RGS6: variants seen among roughly 807,000 people sequenced by gnomAD.
RGS6 encodes regulator of G-protein signaling 6.
RGS6 carries 30 observed loss-of-function variants against 78.5 expected under a neutral mutation model. That is an observed-to-expected ratio of 0.38 (90% CI 0.29 to 0.52). The LOEUF (loss-of-function observed/expected upper bound fraction) is 0.52. Ranked by LOEUF, RGS6 falls within the 20% of genes least tolerant of loss-of-function variation. The pLI, the probability that RGS6 is intolerant of heterozygous loss-of-function variation, is 0.85. For synonymous variants in RGS6, 206 were observed against 206.0 expected (o/e 1.00, Z 0.00); for missense variants, 495 against 609.7 (o/e 0.81, Z 1.98).
the RGS6 span, among the ~76,000 whole-genome samples, chr14:71,900,661 C>A: frequency 6.6e-6 from 1 of 152,162 alleles, no homozygotes; most frequent in African/African-American, 2.4e-5. Context: ...GGTTCCTTCA[C>A]TTCCTCCATA....
the RGS6 span, among the ~76,000 whole-genome samples, chr14:71,896,156 A>G: frequency 2.6e-5 from 4 of 152,064 alleles, no homozygotes; most frequent in Non-Finnish European, 1.5e-5. Context: ...ACCCCAAGAG[A>G]GCGTTCTTGG....
Position 72,177,981 on chromosome 14 carries a change from C to T in RGS6, c.85-174114C>T, listed in dbSNP as rs143504518. 6.2e-4 allele frequency among the ~76,000 whole-genome samples: 95 copies of T among 152,304 alleles called. No homozygotes were observed. The East Asian group carries it at 0.016, about 26-fold the overall frequency. ...GTGGCTGAGCCTCTTTTCTTCCTCCCCCACTTTTTGCTCCCTACCAGACAA... is the reference window on the plus strand; with the variant it reads ...GTGGCTGAGCCTCTTTTCTTCCTCCTCCACTTTTTGCTCCCTACCAGACAA... On this transcript the variant is annotated intron_variant, in intron 2 of 17. Transcript: ENST00000553525.
intron 3 of RGS6, among the ~76,000 whole-genome samples, chr14:72,401,594 A>G (rs1302307536): frequency 6.6e-6 from 1 of 151,608 alleles, no homozygotes; most frequent in Non-Finnish European, 1.5e-5. Context: ...GAGTTTCTCT[A>G]GCAAGTTTGG....
the RGS6 span, among the ~76,000 whole-genome samples, chr14:71,890,358 C>CAGAGAGAGAGAG: frequency 0.032 from 4,208 of 132,998 alleles, 119 homozygotes; most frequent in East Asian, 0.11. Context: ...GTGCATAAGA[C>CAGAGAGAGAGAG]AGAGAGAGAG....
intron 2 of RGS6, among the ~76,000 whole-genome samples, chr14:72,123,671 G>T (rs2096115224): frequency 6.6e-6 from 1 of 152,122 alleles, no homozygotes; most frequent in Admixed American, 6.5e-5. Flanking sequence ...ATTAATAAGA[G>T]AGTTCCTTAA....
At chr14:71,926,548 C>T in the RGS6 span, among the ~76,000 whole-genome samples, 1 of 139,632 alleles carries the variant, frequency 7.2e-6, no homozygotes, top group Non-Finnish European at 1.5e-5. Flanking sequence ...AGCGCCATTG[C>T]ACTCCAGGCT....
chr14:72,541,386 G>C, intron 17 of RGS6: 1 of 1,442,688 alleles, frequency 6.9e-7, no homozygotes, highest in South Asian at 1.3e-5. Context: ...TAACTCTAGT[G>C]GGTGGCAATT....
At chr14:72,047,155 GACGATGGTCT>G (rs2153399043) in intron 2 of RGS6, among the ~76,000 whole-genome samples, 1 of 152,332 alleles carries the variant, frequency 6.6e-6, no homozygotes, top group Non-Finnish European at 1.5e-5. Flanking sequence ...GACAGCTCCA[GACGATGGTCT>G]ACTCTGGAGT....
chr14:72,500,942 A>T (rs1384943699), intron 13 of RGS6, among the ~76,000 whole-genome samples: 1 of 152,120 alleles, frequency 6.6e-6, no homozygotes, highest in Non-Finnish European at 1.5e-5. Flanking sequence ...AGGAGGTGCG[A>T]TATGTACCCA....
At chr14:71,961,182 A>G (rs886374619) in intron 1 of RGS6, among the ~76,000 whole-genome samples, 4 of 152,134 alleles carry the variant, frequency 2.6e-5, no homozygotes, top group African/African-American at 9.7e-5. Context: ...TGAGACATTG[A>G]GTGCTGTCAT....
At chr14:72,473,757 C>T (rs1233806176) in intron 9 of RGS6, 2 of 152,096 alleles carry the variant, frequency 1.3e-5, no homozygotes, top group Admixed American at 6.6e-5. Flanking sequence ...ATCAGCTGAT[C>T]GATACATAAC....
At chr14:71,970,339 T>C (rs566575107) in intron 2 of RGS6, among the ~76,000 whole-genome samples, 6 of 152,300 alleles carry the variant, frequency 3.9e-5, no homozygotes. Flanking sequence ...ATTGACTCCT[T>C]TTCTGCTGGA....
intron 15 of RGS6, among the ~76,000 whole-genome samples, chr14:72,534,456 T>C (rs1489949742): frequency 6.6e-6 from 1 of 152,222 alleles, no homozygotes. Flanking sequence ...TATTTTGTCT[T>C]TCTGTACCTG....
the RGS6 span, chr14:72,612,589 G>C: frequency 2.1e-6 from 1 of 485,780 alleles, no homozygotes; most frequent in Admixed American, 2.2e-5. Context: ...GGAGGAAACA[G>C]TGCAGGGAAG....
intron 16 of RGS6, among the ~76,000 whole-genome samples, chr14:72,536,617 G>A (rs1294890382): frequency 2.0e-5 from 3 of 152,070 alleles, no homozygotes; most frequent in Non-Finnish European, 4.4e-5. Context: ...AAAACCCTTA[G>A]GACACTGGAG....
the RGS6 span, among the ~76,000 whole-genome samples, chr14:72,588,112 A>T: frequency 8.5e-5 from 13 of 152,236 alleles, no homozygotes; most frequent in East Asian, 2.3e-3. Flanking sequence ...GTTATGGTAT[A>T]GATAAAAGAC....
At chr14:72,020,672 G>A (rs2088221695) in intron 2 of RGS6, among the ~76,000 whole-genome samples, 1 of 152,154 alleles carries the variant, frequency 6.6e-6, no homozygotes, top group South Asian at 2.1e-4. Context: ...TATGTTTTGT[G>A]TGCCAGGCAC....
At chr14:72,367,820 C>T (rs2082716773) in intron 3 of RGS6, among the ~76,000 whole-genome samples, 1 of 152,158 alleles carries the variant, frequency 6.6e-6, no homozygotes, top group Non-Finnish European at 1.5e-5. Context: ...TGACCTTGAG[C>T]TAGTCACCAA....
intron 2 of RGS6, among the ~76,000 whole-genome samples, chr14:72,188,387 C>T (rs2097276619): frequency 6.6e-6 from 1 of 152,166 alleles, no homozygotes; most frequent in African/African-American, 2.4e-5. Flanking sequence ...GGCTAACCTA[C>T]CCCTTGGAGT....
Sources: gnomAD v4.1 joint callset for allele counts (sites outside exome capture counted in the v4.1 genomes callset) on GRCh38, gnomAD v4.1.1 for gene constraint, MANE v1.5 for transcripts, NCBI Gene and HGNC (gene_info 2026-07-23, HGNC 2026-07-21) for gene names.